The following FAM107B variants were observed in gnomAD, a reference collection of about 807,000 sequenced individuals.
The protein encoded by FAM107B is protein FAM107B.
Under a neutral mutation model 31.5 loss-of-function variants are expected in FAM107B, and 21 were observed. The observed-to-expected ratio is 0.67, with a 90% CI of 0.47 to 0.96. The LOEUF (loss-of-function observed/expected upper bound fraction) is 0.96. FAM107B is among the 40% of genes least tolerant of loss of function. FAM107B has a pLI of 0.00. For synonymous variants in FAM107B, 157 were observed against 141.5 expected (o/e 1.11, Z -0.78); for missense variants, 452 against 377.1 (o/e 1.20, Z -1.64).
chr10:14,655,968 G>A (rs1854042089), intron 2 of FAM107B, among the ~76,000 whole-genome samples: 1 of 152,152 alleles, frequency 6.6e-6, no homozygotes, highest in African/African-American at 2.4e-5. Flanking sequence ...TGGGGTCACA[G>A]GCACTGAAGT....
intron 2 of FAM107B, among the ~76,000 whole-genome samples, chr10:14,535,579 T>C (rs1847521015): frequency 6.7e-6 from 1 of 148,392 alleles, no homozygotes; most frequent in Admixed American, 6.8e-5. Flanking sequence ...CATAAGAAGC[T>C]TCTGGAAAGT....
In FAM107B at chr10:14,640,025, C is replaced by G. The variant is rs148484634; in HGVS notation, c.469+27609G>C. Among the ~76,000 whole-genome samples, 40 of 152,330 alleles carry G rather than the reference C, an allele frequency of 2.6e-4. No homozygotes were observed. In the East Asian group the frequency reaches 7.1e-3, roughly 27 times the overall value. ...ATGCTGATCTTGTCCATAGCAACATCTCTCAGAGATCCCATCTGTATCTGT... is the reference window on the plus strand; with the variant it reads ...ATGCTGATCTTGTCCATAGCAACATGTCTCAGAGATCCCATCTGTATCTGT... On this transcript the variant is annotated intron_variant, in intron 2 of 4. Coordinates refer to ENST00000181796, the MANE Select transcript of FAM107B (RefSeq NM_031453.4).
chr10:14,524,838 C>G (rs1232961255), intron 3 of FAM107B, among the ~76,000 whole-genome samples: 1 of 152,198 alleles, frequency 6.6e-6, no homozygotes, highest in African/African-American at 2.4e-5. Context: ...CTGGATTATG[C>G]AAAAGCTGCT....
chr10:14,768,255 C>A (rs1053180938), intron 1 of FAM107B, among the ~76,000 whole-genome samples: 4 of 152,132 alleles, frequency 2.6e-5, no homozygotes, highest in African/African-American at 9.7e-5. Context: ...CAACCCCTAT[C>A]AAAATCTCAA....
chr10:14,740,981 C>T (rs1264062187), intron 1 of FAM107B, among the ~76,000 whole-genome samples: 3 of 152,074 alleles, frequency 2.0e-5, no homozygotes, highest in South Asian at 2.1e-4. Flanking sequence ...TCCAGTTTGG[C>T]GGCCAGGAAA....
At chr10:14,760,818 C>T (rs1833027502) in intron 1 of FAM107B, among the ~76,000 whole-genome samples, 1 of 151,902 alleles carries the variant, frequency 6.6e-6, no homozygotes, top group Non-Finnish European at 1.5e-5. Flanking sequence ...TTGAGGCCAG[C>T]CTGGTCAACA....
In FAM107B at chr10:14,774,308, T is replaced by A. The variant is rs1430998661; in HGVS notation, c.356A>T (p.Glu119Val). 6 of 1,614,054 alleles carry A rather than the reference T, an allele frequency of 3.7e-6. No homozygotes were observed. The highest frequency in any genetic ancestry group is 5.1e-6 in the Non-Finnish European group (6 of 1,179,992). ...PGSLDDGADCEAVVFHASIPR... is the reference protein window; with the variant it reads ...PGSLDDGADCVAVVFHASIPR... Reference sequence around the variant, plus strand: ...GATGGAAGCGTGAAACACCACTGCTTCACAGTCCGCCCCATCATCCAGGGA... The same window carrying A: ...GATGGAAGCGTGAAACACCACTGCTACACAGTCCGCCCCATCATCCAGGGA... Residue 119 changes from glutamate to valine, a missense_variant, in exon 1 of 5, where the codon GAA becomes GTA. Physicochemically the swap from Glu to Val is moderately radical, Grantham distance 121. Coordinates refer to ENST00000181796, the MANE Select transcript of FAM107B (RefSeq NM_031453.4).
intron 2 of FAM107B, 81 bp from the exon 3 acceptor site, chr10:14,530,596 G>T: frequency 7.6e-7 from 1 of 1,323,642 alleles, no homozygotes; most frequent in Non-Finnish European, 1.1e-6. Context: ...ACAGAGCTGT[G>T]CTCAGTATGC....
chr10:14,682,965 A>C (rs1003252492), intron 1 of FAM107B, among the ~76,000 whole-genome samples: 1 of 152,238 alleles, frequency 6.6e-6, no homozygotes, highest in Admixed American at 6.5e-5. Context: ...AATCCCGGAC[A>C]TAAGGGGTCC....
At chr10:14,548,279 C>A (rs1848901545) in intron 2 of FAM107B, among the ~76,000 whole-genome samples, 1 of 152,152 alleles carries the variant, frequency 6.6e-6, no homozygotes, top group Non-Finnish European at 1.5e-5. Context: ...ACCCGAGGGT[C>A]AACAACTGGG....
chr10:14,743,626 C>G lies in FAM107B; in HGVS notation c.411+30627G>C, dbSNP rs143548009. On this transcript the variant is annotated intron_variant, in intron 1 of 4. Transcript: ENST00000181796. The stretch of plus-strand genomic sequence containing the variant: ...TAAATAGGAAATCATTTCCCCATTG[C>G]TTGTTTTTGTCAGGTTTGTTGAAGA... 4.2e-3 allele frequency among the ~76,000 whole-genome samples: 642 copies of G among 152,270 alleles called. 3 individuals are homozygous for G. The highest frequency in any genetic ancestry group is 6.8e-3 in the Non-Finnish European group (460 of 68,004).
intron 2 of FAM107B, among the ~76,000 whole-genome samples, chr10:14,532,955 A>G (rs1302454441): frequency 6.6e-6 from 1 of 151,950 alleles, no homozygotes; most frequent in Non-Finnish European, 1.5e-5. Flanking sequence ...ACAGGGTAGG[A>G]GGGTGCCTGG....
At chr10:14,530,209 A>G (rs1487536700) in intron 3 of FAM107B, 123 bp downstream of exon 3, 1 of 1,071,662 alleles carries the variant, frequency 9.3e-7, no homozygotes, top group East Asian at 2.6e-5. Context: ...AAGGAATAAG[A>G]AAGCCTTAAC....
chr10:14,643,844 A>G (rs1230960271), intron 2 of FAM107B, among the ~76,000 whole-genome samples: 1 of 152,222 alleles, frequency 6.6e-6, no homozygotes, highest in Non-Finnish European at 1.5e-5. Context: ...CATAAAACTA[A>G]TCATCGCACA....
At chr10:14,683,581 T>G (rs1453416058) in intron 1 of FAM107B, among the ~76,000 whole-genome samples, 1 of 152,182 alleles carries the variant, frequency 6.6e-6, no homozygotes, top group African/African-American at 2.4e-5. Flanking sequence ...AAGTAAACAC[T>G]TATCAAACTA....
chr10:14,580,886 C>A (rs1459935696), intron 2 of FAM107B, among the ~76,000 whole-genome samples: 1 of 152,174 alleles, frequency 6.6e-6, no homozygotes, highest in Non-Finnish European at 1.5e-5. Flanking sequence ...AGATCATTTC[C>A]TTCTGTTGGC....
intron 1 of FAM107B, among the ~76,000 whole-genome samples, chr10:14,752,661 G>A (rs1404598873): frequency 6.6e-6 from 1 of 152,288 alleles, no homozygotes; most frequent in South Asian, 2.1e-4. Context: ...GCCAGGTTTG[G>A]TGGTTCACAC....
chr10:14,686,672 C>A (rs140404306), intron 1 of FAM107B, among the ~76,000 whole-genome samples: 106 of 152,306 alleles, frequency 7.0e-4, no homozygotes, highest in Non-Finnish European at 1.2e-3. Flanking sequence ...AGTTTAGACT[C>A]CAGGCCTGGC....
chr10:14,728,721 C>T (rs1218170002), intron 1 of FAM107B, among the ~76,000 whole-genome samples: 1 of 152,218 alleles, frequency 6.6e-6, no homozygotes, highest in Non-Finnish European at 1.5e-5. Flanking sequence ...CAAAACACTA[C>T]ATACATTGAC....
Sources: gnomAD v4.1 joint callset for allele counts (sites outside exome capture counted in the v4.1 genomes callset) on GRCh38, gnomAD v4.1.1 for gene constraint, MANE v1.5 for transcripts, NCBI Gene and HGNC (gene_info 2026-07-23, HGNC 2026-07-21) for gene names.